TESK2: variants seen among roughly 807,000 people sequenced by gnomAD.
The protein encoded by TESK2 is testis associated actin remodelling kinase 2, also known as dual specificity testis-specific protein kinase 2.
TESK2 carries 39 observed loss-of-function variants against 57.1 expected under a neutral mutation model. The observed-to-expected ratio is 0.68, with a 90% CI of 0.53 to 0.89. The LOEUF (loss-of-function observed/expected upper bound fraction) is 0.89. Among genes scored for constraint, TESK2 ranks in the 40% least tolerant of loss-of-function variants. TESK2 has a pLI of 0.00. For missense variants in TESK2, 646 were observed against 732.1 expected, an observed-to-expected ratio of 0.88 and a Z score of 1.36; for synonymous variants, 249 against 267.9, an observed-to-expected ratio of 0.93 and a Z score of 0.69.
intron 1 of TESK2, among the ~76,000 whole-genome samples, chr1:45,472,912 C>T (rs1211082745): frequency 2.0e-5 from 3 of 147,036 alleles, no homozygotes; most frequent in Non-Finnish European, 4.5e-5. Context: ...CCAAGGCAGG[C>T]GGATCACAAG....
At chr1:45,481,928 T>A (rs1305014724) in intron 1 of TESK2, among the ~76,000 whole-genome samples, 1 of 152,190 alleles carries the variant, frequency 6.6e-6, no homozygotes, top group Non-Finnish European at 1.5e-5. Flanking sequence ...AAATCACAAC[T>A]GCATAAAATT....
intron 1 of TESK2, among the ~76,000 whole-genome samples, chr1:45,475,208 C>G (rs909240060): frequency 8.2e-6 from 1 of 122,670 alleles, no homozygotes; most frequent in Non-Finnish European, 1.8e-5. Flanking sequence ...GTTAGCCTGG[C>G]CTTTTTTTTT....
chr1:45,344,804 G>C lies in TESK2; in HGVS notation c.*36C>G. 2.6e-6 allele frequency: 4 copies of C among 1,560,616 alleles called. No homozygotes were observed. Among genetic ancestry groups the C allele is most frequent in the Non-Finnish European group, 3.5e-6 (4 of 1,143,530 alleles). On this transcript the variant is annotated 3_prime_UTR_variant, in exon 11 of 11. Transcript: ENST00000372086. ...AGGGGGCCATATGGTTTCAGCTGAA[G>C]GTCCATCCCCAAGGTGAGGCAGGGA...
chr1:45,396,359 G>A (rs1301239381), intron 3 of TESK2, among the ~76,000 whole-genome samples: 3 of 151,864 alleles, frequency 2.0e-5, no homozygotes, highest in African/African-American at 7.3e-5. Context: ...GCCTCCCAAA[G>A]TACTGGGATT....
intron 1 of TESK2, among the ~76,000 whole-genome samples, chr1:45,476,528 A>C (rs1332828588): frequency 2.0e-5 from 3 of 151,652 alleles, no homozygotes; most frequent in Admixed American, 2.0e-4. Flanking sequence ...CATCCATACA[A>C]CTTAATATTA....
intron 1 of TESK2, among the ~76,000 whole-genome samples, chr1:45,466,704 T>G (rs1157413284): frequency 6.7e-6 from 1 of 149,778 alleles, no homozygotes; most frequent in Non-Finnish European, 1.5e-5. Flanking sequence ...AAAAGCAGAA[T>G]AGCATAGTCA....
At chr1:45,480,389 T>C (rs1653168678) in intron 1 of TESK2, among the ~76,000 whole-genome samples, 1 of 145,450 alleles carries the variant, frequency 6.9e-6, no homozygotes. Flanking sequence ...ACCTAGGAGG[T>C]GGAGGTTGCA....
chr1:45,372,985 G>A (rs1291376596), intron 4 of TESK2, among the ~76,000 whole-genome samples: 2 of 140,510 alleles, frequency 1.4e-5, no homozygotes, highest in Non-Finnish European at 3.0e-5. Context: ...CCGAGATCAC[G>A]CCATTGCACT....
At chr1:45,487,075 C>T (rs780282574) in intron 1 of TESK2, among the ~76,000 whole-genome samples, 3 of 152,084 alleles carry the variant, frequency 2.0e-5, no homozygotes, top group Admixed American at 6.5e-5. Flanking sequence ...GTGATCCACC[C>T]GCCTTGGCCT....
chr1:45,347,762 C>T lies in TESK2; in HGVS notation c.624-69G>A, dbSNP rs368692491. On this transcript the variant is annotated intron_variant, in intron 6 of 10. Coordinates refer to ENST00000372086, the MANE Select transcript of TESK2 (RefSeq NM_007170.3). ...GTGCAATGGAATCTTTTGACCATTC[C>T]TCCACCTCAAGGATGGGTACAGACG... is the stretch of plus-strand genomic sequence containing the variant. The T allele has an allele frequency of 5.3e-5, 82 of 1,555,922 alleles. 1 individual carries two copies. In the Admixed American group the frequency reaches 5.7e-4, roughly 11 times the overall value.
chr1:45,361,277 G>A (rs866980445), intron 4 of TESK2, among the ~76,000 whole-genome samples: 2 of 152,222 alleles, frequency 1.3e-5, no homozygotes, highest in African/African-American at 4.8e-5. Flanking sequence ...TTCCCGGATG[G>A]GGATAACAGC....
chr1:45,412,172 G>T (rs1650060461), intron 3 of TESK2, among the ~76,000 whole-genome samples: 1 of 152,176 alleles, frequency 6.6e-6, no homozygotes, highest in Non-Finnish European at 1.5e-5. Flanking sequence ...ACCAATGTGA[G>T]CCACAAAAAG....
chr1:45,477,173 C>A (rs751799417), intron 1 of TESK2, among the ~76,000 whole-genome samples: 2 of 150,734 alleles, frequency 1.3e-5, no homozygotes, highest in Non-Finnish European at 2.9e-5. Context: ...GCAGAGGTTG[C>A]GGTGAGCTGA....
chr1:45,368,030 T>G (rs1241179361), intron 4 of TESK2, among the ~76,000 whole-genome samples: 1 of 151,004 alleles, frequency 6.6e-6, no homozygotes, highest in Non-Finnish European at 1.5e-5. Flanking sequence ...GTTTCACTCT[T>G]GTTGCCCAGG....
At chr1:45,365,658 C>T (rs1485928029) in intron 4 of TESK2, among the ~76,000 whole-genome samples, 11 of 149,910 alleles carry the variant, frequency 7.3e-5, no homozygotes, top group Non-Finnish European at 1.3e-4. Flanking sequence ...GGATTACAGG[C>T]GTGCACCACC....
At chr1:45,428,900 C>T (rs1408897058) in intron 2 of TESK2, among the ~76,000 whole-genome samples, 1 of 139,460 alleles carries the variant, frequency 7.2e-6, no homozygotes, top group Admixed American at 8.3e-5. Context: ...TGGCTCGCTG[C>T]AAGCTCCGCC....
intron 2 of TESK2, among the ~76,000 whole-genome samples, chr1:45,425,786 C>T (rs10890327): frequency 0.25 from 38,494 of 152,024 alleles, 4,998 homozygotes; most frequent in East Asian, 0.36. Context: ...TCCCATACTA[C>T]TCAGATACTA....
chr1:45,462,176 C>A (rs10789463), intron 1 of TESK2, among the ~76,000 whole-genome samples: 76,890 of 151,980 alleles, frequency 0.51, 19,694 homozygotes, highest in African/African-American at 0.57. Context: ...TTCAGCAATG[C>A]GTAAGAACAT....
intron 4 of TESK2, among the ~76,000 whole-genome samples, chr1:45,384,431 G>C (rs76967143): frequency 3.1e-5 from 4 of 130,120 alleles, no homozygotes; most frequent in Non-Finnish European, 3.2e-5. Context: ...ATCTATCTAT[G>C]TATCTAGAGA....
Sources: gnomAD v4.1 joint callset for allele counts (sites outside exome capture counted in the v4.1 genomes callset) on GRCh38, gnomAD v4.1.1 for gene constraint, MANE v1.5 for transcripts, NCBI Gene and HGNC (gene_info 2026-07-23, HGNC 2026-07-21) for gene names.